Variants in SDC2 observed in about 807,000 individuals in gnomAD.
The protein encoded by SDC2 is syndecan 2, also known as syndecan-2.
In SDC2, 13 loss-of-function variants were observed where a neutral mutation model predicts 22.2. That is an observed-to-expected ratio of 0.59 (90% CI 0.38 to 0.93). The LOEUF (loss-of-function observed/expected upper bound fraction) is 0.93. SDC2 is among the 40% of genes least tolerant of loss of function. SDC2 has a pLI of 0.00. For missense variants in SDC2, 235 were observed against 246.8 expected (o/e 0.95, Z 0.32); for synonymous variants, 94 against 92.8 (o/e 1.01, Z -0.07).
intron 1 of SDC2, among the ~76,000 whole-genome samples, chr8:96,505,535 C>T (rs924459982): frequency 6.6e-5 from 10 of 152,092 alleles, no homozygotes; most frequent in Admixed American, 6.5e-5. Context: ...CTCCTGACCT[C>T]GTGATCTCCC....
intron 1 of SDC2, among the ~76,000 whole-genome samples, chr8:96,571,058 AT>A (rs2130582758): frequency 6.6e-6 from 1 of 152,286 alleles, no homozygotes; most frequent in Non-Finnish European, 1.5e-5. Flanking sequence ...CAAATGGCAA[AT>A]TTTAGGTATA....
rs145706710 is a variant in SDC2 at position 96,596,086 on chromosome 8, C to T, written c.172+2495C>T. The stretch of plus-strand genomic sequence containing the variant: ...TCTAACCCCTATAACATCTCTGAAA[C>T]GATAGATTCTGTTAGTATTTCGATG... On this transcript the variant is annotated intron_variant, in intron 2 of 4. Coordinates refer to ENST00000302190, the MANE Select transcript of SDC2 (RefSeq NM_002998.4). 7.0e-3 allele frequency among the ~76,000 whole-genome samples: 1,071 copies of T among 152,284 alleles called. 8 individuals are homozygous for T. The highest frequency in any genetic ancestry group is 9.5e-3 in the Non-Finnish European group (647 of 68,020).
chr8:96,575,956 G>A (rs1334682599), intron 1 of SDC2, among the ~76,000 whole-genome samples: 1 of 152,084 alleles, frequency 6.6e-6, no homozygotes, highest in Non-Finnish European at 1.5e-5. Flanking sequence ...TCTCTTACCT[G>A]CTTTTCTGTC....
intron 1 of SDC2, among the ~76,000 whole-genome samples, chr8:96,587,249 A>C (rs1814702047): frequency 6.6e-6 from 1 of 152,160 alleles, no homozygotes; most frequent in East Asian, 1.9e-4. Context: ...AGAATTTCTT[A>C]TGTAGGGAGG....
At chr8:96,574,301 G>C (rs764280808) in intron 1 of SDC2, among the ~76,000 whole-genome samples, 1 of 152,118 alleles carries the variant, frequency 6.6e-6, no homozygotes, top group East Asian at 1.9e-4. Context: ...CCTGGAGTGT[G>C]CACCTGGGAT....
Position 96,539,518 on chromosome 8 carries a change from G to C in SDC2, c.60+45187G>C, listed in dbSNP as rs542791197. Among the ~76,000 whole-genome samples, 3 of 152,230 alleles carry C rather than the reference G, an allele frequency of 2.0e-5. No homozygotes were observed. The East Asian group carries it at 5.8e-4, about 29-fold the overall frequency. On this transcript the variant is annotated intron_variant, in intron 1 of 4. Coordinates refer to ENST00000302190, the MANE Select transcript of SDC2 (RefSeq NM_002998.4). ...AGAGAAACAATCATCTTGCATTATTGCTAATAGTCAAGTAAACATCAATCT... is the reference window on the plus strand; with the variant it reads ...AGAGAAACAATCATCTTGCATTATTCCTAATAGTCAAGTAAACATCAATCT...
chr8:96,537,312 A>G (rs1813769517), intron 1 of SDC2: 2 of 152,112 alleles, frequency 1.3e-5, no homozygotes, highest in South Asian at 4.1e-4. Context: ...AAGGAAAAAA[A>G]CCCCACTCTG....
chr8:96,584,958 G>A (rs1814657065), intron 1 of SDC2: 2 of 152,190 alleles, frequency 1.3e-5, no homozygotes, highest in Non-Finnish European at 2.9e-5. Flanking sequence ...TCAAGACAAA[G>A]GTTGCTTCCC....
chr8:96,524,006 G>A (rs1015750970), intron 1 of SDC2, among the ~76,000 whole-genome samples: 3 of 152,156 alleles, frequency 2.0e-5, no homozygotes, highest in African/African-American at 7.2e-5. Flanking sequence ...GGATAATGTT[G>A]TAAAGTGGAG....
chr8:96,560,936 T>C (rs957552308), intron 1 of SDC2, among the ~76,000 whole-genome samples: 2 of 152,060 alleles, frequency 1.3e-5, no homozygotes, highest in Non-Finnish European at 2.9e-5. Flanking sequence ...TGAAACCCCA[T>C]CTCTACTAAA....
intron 1 of SDC2, among the ~76,000 whole-genome samples, chr8:96,581,741 A>G (rs1227014016): frequency 6.6e-6 from 1 of 152,202 alleles, no homozygotes; most frequent in Admixed American, 6.5e-5. Context: ...AGAAGGCAGC[A>G]CGGGAGTGGA....
chr8:96,541,444 T>C (rs942778156), intron 1 of SDC2, among the ~76,000 whole-genome samples: 1 of 144,458 alleles, frequency 6.9e-6, no homozygotes, highest in African/African-American at 2.6e-5. Context: ...GAGGCGGAGG[T>C]TGCAGTGAGC....
At chr8:96,530,411 A>G (rs145801784) in intron 1 of SDC2, among the ~76,000 whole-genome samples, 4,669 of 152,290 alleles carry the variant, frequency 0.031, 237 homozygotes, top group African/African-American at 0.1. Flanking sequence ...AGGCAGGTGC[A>G]TCACCTGAGA....
chr8:96,547,524 C>T (rs1264614252), intron 1 of SDC2, among the ~76,000 whole-genome samples: 1 of 152,162 alleles, frequency 6.6e-6, no homozygotes, highest in East Asian at 1.9e-4. Flanking sequence ...TATTCATTCA[C>T]CTCATCACGG....
chr8:96,608,743 CTGGATG>C (rs1815127195), intron 4 of SDC2, among the ~76,000 whole-genome samples: 1 of 152,208 alleles, frequency 6.6e-6, no homozygotes. Flanking sequence ...TCCAGAACAA[CTGGATG>C]TAGAGAGATG....
chr8:96,554,754 T>C (rs1383980783), intron 1 of SDC2, among the ~76,000 whole-genome samples: 2 of 152,110 alleles, frequency 1.3e-5, no homozygotes, highest in Non-Finnish European at 2.9e-5. Context: ...TTTGATTTTG[T>C]TTTTCTTCTT....
chr8:96,578,519 T>G (rs2130600070), intron 1 of SDC2, among the ~76,000 whole-genome samples: 1 of 152,288 alleles, frequency 6.6e-6, no homozygotes, highest in Middle Eastern at 3.4e-3. Flanking sequence ...GGGATTGAAA[T>G]TAGTTGACCA....
chr8:96,540,226 C>A (rs1234510700), intron 1 of SDC2, among the ~76,000 whole-genome samples: 1 of 151,202 alleles, frequency 6.6e-6, no homozygotes, highest in Admixed American at 6.6e-5. Context: ...GCACAGGAGG[C>A]CAGGCGTGTA....
chr8:96,538,406 A>T (rs1586287783), intron 1 of SDC2, among the ~76,000 whole-genome samples: 1 of 31,010 alleles, frequency 3.2e-5, no homozygotes, highest in African/African-American at 6.1e-5. Context: ...TACTAAAGAT[A>T]AAAAAAAGTT....
Sources: gnomAD v4.1 joint callset for allele counts (sites outside exome capture counted in the v4.1 genomes callset) on GRCh38, gnomAD v4.1.1 for gene constraint, MANE v1.5 for transcripts, NCBI Gene and HGNC (gene_info 2026-07-23, HGNC 2026-07-21) for gene names.